BTBD6: variants seen among roughly 807,000 people sequenced by gnomAD.
BTBD6 encodes BTB/POZ domain-containing protein 6.
A neutral mutation model predicts 40.6 loss-of-function variants in BTBD6; 30 were observed. The ratio of observed to expected loss-of-function variants is 0.74; its 90% CI spans 0.55 to 1.00. The LOEUF (loss-of-function observed/expected upper bound fraction) is 1.00, where lower values mean the gene tolerates loss of function less well. Ranked by LOEUF, BTBD6 falls within the 50% of genes least tolerant of loss-of-function variation. BTBD6 has a pLI of 0.00. For missense variants in BTBD6, 698 were observed against 694.6 expected (o/e 1.00, Z -0.06); for synonymous variants, 378 against 308.7 (o/e 1.22, Z -2.35).
rs1278091055 is a variant in BTBD6 at position 105,250,358 on chromosome 14, A to G, written c.1303A>G (p.Lys435Glu). The change falls in exon 4 of 4, where the codon AAG (lysine) becomes GAG (glutamate). Residue 435 changes from lysine (K) to glutamate (E), a missense_variant. Lys to Glu is a moderately conservative substitution (Grantham distance 56). Coordinates refer to ENST00000392554, the MANE Select transcript of BTBD6 (RefSeq NM_001387567.1). ...GGGCCTGTATGGCTCCAGCTCTGGG[A>G]AGGCTGAGTACAGCGTGAAGATTGA... ...GLGLYGSSSG[K>E]AEYSVKIELK... 6.2e-7 allele frequency: 1 copy of G among 1,613,524 alleles called. No homozygotes were observed. Among genetic ancestry groups the G allele is most frequent in the Non-Finnish European group, 8.5e-7 (1 of 1,180,032 alleles).
rs753180527 is a variant in BTBD6 at position 105,250,738 on chromosome 14, C to T, written c.*66C>T. On this transcript the variant is annotated 3_prime_UTR_variant, in exon 4 of 4. Coordinates refer to ENST00000392554, the MANE Select transcript of BTBD6 (RefSeq NM_001387567.1). Reference sequence around the variant, plus strand: ...GGGGAAGTCAAGATGCTAACTGCTTCTTGACACCATGAAAGGCTGCTCTTA... The same window carrying T: ...GGGGAAGTCAAGATGCTAACTGCTTTTTGACACCATGAAAGGCTGCTCTTA... The T allele has an allele frequency of 1.4e-6, 2 of 1,476,346 alleles. No homozygotes were observed. The highest frequency in any genetic ancestry group is 2.6e-5 in the South Asian group (2 of 78,350). The allele number at this position is 1,476,346 out of a possible 1,614,324, so 91.5% of individuals were successfully genotyped here.
Position 105,249,287 on chromosome 14 carries a change from C to T in BTBD6, c.465+40C>T, listed in dbSNP as rs777472130. On this transcript the variant is annotated intron_variant, in intron 2 of 3. Transcript: ENST00000392554. ...CCCCTCTCGGAACGCGTGCCCCGTC[C>T]GCCCCGTCCGCCGTGTGGCTGACAC... 15 of 1,562,918 alleles carry T rather than the reference C, an allele frequency of 9.6e-6. 1 individual carries two copies. In the South Asian group the frequency reaches 1.5e-4, roughly 16 times the overall value.
chr14:105,250,285 C>G lies in BTBD6; in HGVS notation c.1230C>G (p.Cys410Trp), dbSNP rs761806778. 2 of 1,613,094 alleles carry G rather than the reference C, an allele frequency of 1.2e-6. No homozygotes were observed. Among genetic ancestry groups the G allele is most frequent in the South Asian group, 1.1e-5 (1 of 91,086 alleles). Reference protein sequence around the residue: ...RSNQWRYRGRCDSIQFAVDRR... With the variant: ...RSNQWRYRGRWDSIQFAVDRR... Reference sequence around the variant, plus strand: ...ACCAGTGGCGGTACCGCGGGCGCTGCGACAGCATCCAGTTTGCAGTGGACA... The same window carrying G: ...ACCAGTGGCGGTACCGCGGGCGCTGGGACAGCATCCAGTTTGCAGTGGACA... The change falls in exon 4 of 4, where the codon TGC becomes TGG. Residue 410 changes from cysteine (C) to tryptophan (W), a missense_variant. Transcript: ENST00000392554.
At chr14:105,249,284 G>T (rs979960030) in intron 2 of BTBD6, 37 bp downstream of exon 2, 2 of 1,559,610 alleles carry the variant, frequency 1.3e-6, no homozygotes, top group Non-Finnish European at 8.7e-7. Context: ...CGCGTGCCCC[G>T]TCCGCCCCGT....
In BTBD6 at chr14:105,248,554, G is replaced by GCGGCGGGTACGGGCTCGGGC. The variant is rs1301377705; in HGVS notation, c.-157_-138dup. 2.7e-4 allele frequency: 227 copies of GCGGCGGGTACGGGCTCGGGC among 845,920 alleles called. No homozygotes were observed. The highest frequency in any genetic ancestry group is 3.0e-4 in the Non-Finnish European group (213 of 716,108). The allele number at this position is 845,920 out of a possible 1,614,324, so 52.4% of individuals were successfully genotyped here. ...TGACGCAGCGTGACGCACCGGCGCC[G>GCGGCGGGTACGGGCTCGGGC]CGGCGGGTACGGGCTCGGGCGGGCG... On this transcript the variant is annotated 5_prime_UTR_variant, in exon 1 of 4. Transcript: ENST00000392554.
chr14:105,249,545 G>T, intron 3 of BTBD6, 67 bp downstream of exon 3: 7 of 1,596,464 alleles, frequency 4.4e-6, no homozygotes, highest in Non-Finnish European at 6.0e-6. Flanking sequence ...GCTTCTGAAG[G>T]GAAGCACACA....
chr14:105,248,883 C>T lies in BTBD6; in HGVS notation c.172C>T (p.Leu58Phe), dbSNP rs1173285837. The stretch of plus-strand genomic sequence containing the variant: ...CCCGCCCGCGAAGATGGCGGCGGAA[C>T]TCTACGCTCCCGCCAGCGCCGCGGC... ...AAPPAKMAAE[L>F]YAPASAAAAD... The change falls in exon 1 of 4, where the codon CTC becomes TTC. Residue 58 changes from leucine (L) to phenylalanine (F), a missense_variant. By Grantham distance (22) the Leu-to-Phe change is conservative (BLOSUM62 0). Transcript: ENST00000392554. The T allele has an allele frequency of 1.0e-6, 1 of 988,376 alleles. No homozygotes were observed. Among genetic ancestry groups the T allele is most frequent in the Non-Finnish European group, 1.2e-6 (1 of 833,498 alleles). The allele number at this position is 988,376 out of a possible 1,614,324, so 61.2% of individuals were successfully genotyped here.
chr14:105,249,061 G>C lies in BTBD6; in HGVS notation c.350G>C (p.Cys117Ser). Residue 117 changes from cysteine (C) to serine (S), a missense_variant, in exon 1 of 4, where the codon TGC becomes TCC. Coordinates refer to ENST00000392554, the MANE Select transcript of BTBD6 (RefSeq NM_001387567.1). Reference sequence around the variant, plus strand: ...CACCAGGAGAGCCCCGGCTGGCGGTGCTGCCGCCCCACGCTGCGCGAGAGG... The same window carrying C: ...CACCAGGAGAGCCCCGGCTGGCGGTCCTGCCGCCCCACGCTGCGCGAGAGG... ...NNHQESPGWRCCRPTLRERNA... is the reference protein window; with the variant it reads ...NNHQESPGWRSCRPTLRERNA... 7.6e-7 allele frequency: 1 copy of C among 1,314,342 alleles called. No individual in the cohort carries two copies. The allele number at this position is 1,314,342 out of a possible 1,614,324, so 81.4% of individuals were successfully genotyped here.
chr14:105,249,949 G>A lies in BTBD6; in HGVS notation c.894G>A (p.Glu298=). ...CTCGGGAGGCCCTCAACACCAAAGAGGCGGTGGTCTTCGAGGCCGTCCTGA... is the reference window on the plus strand; with the variant it reads ...CTCGGGAGGCCCTCAACACCAAAGAAGCGGTGGTCTTCGAGGCCGTCCTGA... ...IVTREALNTK[E]AVVFEAVLNW... The change falls in exon 4 of 4, where the codon GAG becomes GAA. Residue 298 remains glutamate (E), a synonymous_variant. Transcript: ENST00000392554. 2 of 1,612,076 alleles carry A rather than the reference G, an allele frequency of 1.2e-6. No individual in the cohort carries two copies. Among genetic ancestry groups the A allele is most frequent in the Non-Finnish European group, 1.7e-6 (2 of 1,180,016 alleles).
In BTBD6 at chr14:105,250,307, G is replaced by A. The variant is rs1243854251; in HGVS notation, c.1252G>A (p.Asp418Asn). Reference protein sequence around the residue: ...GRCDSIQFAVDRRVFIAGLGL... With the variant: ...GRCDSIQFAVNRRVFIAGLGL... ...CTGCGACAGCATCCAGTTTGCAGTG[G>A]ACAGAAGGGTATTTATTGCAGGGCT... Residue 418 changes from aspartate to asparagine, a missense_variant, in exon 4 of 4, where the codon GAC becomes AAC. Transcript: ENST00000392554. The A allele has an allele frequency of 6.2e-7, 1 of 1,613,192 alleles. No individual in the cohort carries two copies. The highest frequency in any genetic ancestry group is 1.3e-5 in the African/African-American group (1 of 74,944).
chr14:105,249,703 TAAG>T lies in BTBD6; in HGVS notation c.652_654del (p.Lys218del), dbSNP rs748352852. The T allele has an allele frequency of 1.2e-6, 2 of 1,613,770 alleles. No individual in the cohort carries two copies. The highest frequency in any genetic ancestry group is 1.1e-5 in the South Asian group (1 of 91,080). On this transcript the variant is annotated inframe_deletion, in exon 4 of 4. Coordinates refer to ENST00000392554, the MANE Select transcript of BTBD6 (RefSeq NM_001387567.1). Reference sequence around the variant, plus strand: ...CGGTGCTGGCCACTCTGTACGCTGCTAAGAAGTACATCGTCCCAGCATTGGCAA... The same window carrying T: ...CGGTGCTGGCCACTCTGTACGCTGCTAAGTACATCGTCCCAGCATTGGCAA...
At position 105,249,828 on chromosome 14, in the gene BTBD6, A is replaced by G. The variant is rs2055481118; in HGVS notation, c.773A>G (p.Gln258Arg). The G allele has an allele frequency of 6.2e-7, 1 of 1,613,414 alleles. No homozygotes were observed. The highest frequency in any genetic ancestry group is 1.3e-5 in the African/African-American group (1 of 74,946). ...CTGTTTGAGGAGCCCGAGCTGACGC[A>G]GCGCTGCTGGGAGGTCATTGACGCA... ...SRLFEEPELT[Q>R]RCWEVIDAQA... Residue 258 changes from glutamine (Q) to arginine (R), a missense_variant, in exon 4 of 4, where the codon CAG becomes CGG. Transcript: ENST00000392554.
intron 1 of BTBD6, 30 bp downstream of exon 1, chr14:105,249,115 C>T: frequency 1.3e-6 from 2 of 1,505,258 alleles, no homozygotes. Context: ...CCCCCGCGCC[C>T]GCGCGCGCCC....
chr14:105,248,568 CTCGG>C lies in BTBD6; in HGVS notation c.-143_-140del, dbSNP rs1445395882. Reference sequence around the variant, plus strand: ...GCACCGGCGCCGCGGCGGGTACGGGCTCGGGCGGGCGGGCGGGCGGGACGGCGCC... The same window carrying C: ...GCACCGGCGCCGCGGCGGGTACGGGCGCGGGCGGGCGGGCGGGACGGCGCC... On this transcript the variant is annotated 5_prime_UTR_variant, in exon 1 of 4. Transcript: ENST00000392554. 2.5e-5 allele frequency: 5 copies of C among 203,498 alleles called. No homozygotes were observed. The highest frequency in any genetic ancestry group is 1.0e-4 in the African/African-American group (2 of 19,418). 12.6% of individuals were successfully genotyped at this position (203,498 alleles called of 1,614,324 possible).
rs776116265 is a variant in BTBD6 at position 105,249,467 on chromosome 14, G to C, written c.573G>C (p.Leu191=). 1.2e-6 allele frequency: 2 copies of C among 1,609,608 alleles called. No homozygotes were observed. The highest frequency in any genetic ancestry group is 1.1e-5 in the South Asian group (1 of 91,018). Residue 191 remains leucine, a synonymous_variant, in exon 3 of 4, where the codon CTG becomes CTC. Transcript: ENST00000392554. ...HIPDVEPAAF[L]ILLKYMYSDE... Reference sequence around the variant, plus strand: ...CAGACGTGGAGCCCGCAGCCTTTCTGATCCTCTTAAAGTAAGTCCACTCTA... The same window carrying C: ...CAGACGTGGAGCCCGCAGCCTTTCTCATCCTCTTAAAGTAAGTCCACTCTA...
rs2055345417 is a variant in BTBD6, at chr14:105,248,794, G to A, written c.83G>A (p.Arg28Lys). The change falls in exon 1 of 4, where the codon AGG (arginine) becomes AAG (lysine). Residue 28 changes from arginine to lysine, a missense_variant. Arg to Lys is a conservative substitution (Grantham distance 26, BLOSUM62 2). Transcript: ENST00000392554. Reference protein sequence around the residue: ...SLLLLAEPLPRPRRGARARGA... With the variant: ...SLLLLAEPLPKPRRGARARGA... ...CTTTTGCTTGCAGAGCCGCTCCCGA[G>A]GCCCCGGCGCGGCGCGAGGGCGCGG... is the stretch of plus-strand genomic sequence containing the variant. 1 of 983,160 alleles carries A rather than the reference G, an allele frequency of 1.0e-6. No homozygotes were observed. The highest frequency in any genetic ancestry group is 1.2e-6 in the Non-Finnish European group (1 of 829,946). 60.9% of individuals were successfully genotyped at this position (983,160 alleles called of 1,614,324 possible). A position where few individuals can be genotyped will look rare whatever the true frequency, so the allele number is the denominator to read the frequency against.
chr14:105,249,607 G>A (rs754475864), intron 3 of BTBD6, 33 bp from the exon 4 acceptor site: 4 of 1,589,584 alleles, frequency 2.5e-6, no homozygotes, highest in South Asian at 2.3e-5. Context: ...GTGCTTGGGA[G>A]CCAGCCCCTG....
chr14:105,250,551 A>G lies in BTBD6; in HGVS notation c.1496A>G (p.Gln499Arg). 1 of 1,614,098 alleles carries G rather than the reference A, an allele frequency of 6.2e-7. No individual in the cohort carries two copies. Among genetic ancestry groups the G allele is most frequent in the Non-Finnish European group, 8.5e-7 (1 of 1,180,028 alleles). Residue 499 changes from glutamine to arginine, a missense_variant, in exon 4 of 4, where the codon CAG becomes CGG. Transcript: ENST00000392554. ...LDGSELSYFG[Q>R]EGMTEVQCGK... ...GGCAGCGAACTCAGCTACTTTGGGC[A>G]GGAGGGGATGACGGAAGTGCAGTGT...
rs757666394 is a variant in BTBD6 at position 105,250,668 on chromosome 14, C to T, written c.1613C>T (p.Ala538Val). The T allele has an allele frequency of 3.7e-6, 6 of 1,603,410 alleles. No individual in the cohort carries two copies. The highest frequency in any genetic ancestry group is 5.1e-6 in the Non-Finnish European group (6 of 1,172,884). The change falls in exon 4 of 4, where the codon GCC becomes GTC. Residue 538 changes from alanine (A) to valine (V), a missense_variant. Physicochemically the swap from Ala to Val is moderately conservative, Grantham distance 64. Transcript: ENST00000392554. ...GGQIPELIFY[A>V] Reference sequence around the variant, plus strand: ...CAGATCCCTGAGCTCATTTTCTATGCCTGAGGTGCCCGGGGAGGCTGCAGC... The same window carrying T: ...CAGATCCCTGAGCTCATTTTCTATGTCTGAGGTGCCCGGGGAGGCTGCAGC...
Sources: gnomAD v4.1 joint callset for allele counts on GRCh38, gnomAD v4.1.1 for gene constraint, MANE v1.5 for transcripts, NCBI Gene and HGNC (gene_info 2026-07-23, HGNC 2026-07-21) for gene names.